The following KIF26B variants were observed in gnomAD, a reference collection of about 807,000 sequenced individuals.
KIF26B encodes the protein kinesin family member 26B, also known as kinesin-like protein KIF26B.
In KIF26B, 63 loss-of-function variants were observed where a neutral mutation model predicts 151.2. That is an observed-to-expected ratio of 0.42 (90% confidence interval 0.34 to 0.51). The LOEUF is 0.51. KIF26B is among the 20% of genes least tolerant of loss of function. The probability of loss-of-function intolerance (pLI) is 0.07; values close to 1 mark genes in which losing one functional copy is unlikely to be tolerated. For synonymous variants in KIF26B, 1,357 were observed against 1,262.1 expected, an observed-to-expected ratio of 1.08 and a Z score of -1.59; for missense variants, 2,813 against 2,913.6, an observed-to-expected ratio of 0.97 and a Z score of 0.79.
chr1:245,530,613 T>C (rs1661339415), intron 4 of KIF26B, among the ~76,000 whole-genome samples: 1 of 152,210 alleles, frequency 6.6e-6, no homozygotes, highest in African/African-American at 2.4e-5. Flanking sequence ...TTTTTATGTG[T>C]GCTGCCCAGA....
intron 6 of KIF26B, among the ~76,000 whole-genome samples, chr1:245,605,400 G>C (rs1336134824): frequency 6.6e-6 from 1 of 152,204 alleles, no homozygotes; most frequent in Non-Finnish European, 1.5e-5. Context: ...TTTTCAGCCT[G>C]TGAAGCCGCA....
At chr1:245,646,399 C>A in intron 10 of KIF26B, 119 bp downstream of exon 10, 1 of 1,081,730 alleles carries the variant, frequency 9.2e-7, no homozygotes, top group Non-Finnish European at 1.3e-6. Flanking sequence ...ATTATAAGTT[C>A]AGTGCCAGAG....
chr1:245,661,357 T>G (rs1463709924), intron 10 of KIF26B, among the ~76,000 whole-genome samples: 1 of 152,056 alleles, frequency 6.6e-6, no homozygotes, highest in Non-Finnish European at 1.5e-5. Flanking sequence ...TTACTTGGAA[T>G]TTGTTCCTTT....
chr1:245,352,148 CA>C lies in KIF26B; in HGVS notation c.466-14683del, dbSNP rs1672581423. On this transcript the variant is annotated intron_variant, in intron 2 of 14. Transcript: ENST00000407071. This position sits in a 1 kb window ranked among gnomAD's most constrained non-coding sequence, Gnocchi z 5.0. ...CAAGTCCCACCCATACTGTGTTTCTCAAATATTCTCAAATTGTATTGAAACC... is the reference window on the plus strand; with the variant it reads ...CAAGTCCCACCCATACTGTGTTTCTCAATATTCTCAAATTGTATTGAAACC... Among the ~76,000 whole-genome samples, 1 of 152,150 alleles carries C rather than the reference CA, an allele frequency of 6.6e-6. No homozygotes were observed. Among genetic ancestry groups the C allele is most frequent in the Non-Finnish European group, 1.5e-5 (1 of 68,028 alleles).
At chr1:245,364,741 G>C (rs1184360435) in intron 2 of KIF26B, among the ~76,000 whole-genome samples, 1 of 152,084 alleles carries the variant, frequency 6.6e-6, no homozygotes, top group Non-Finnish European at 1.5e-5. Context: ...TCTTAGAGCT[G>C]CCTCCTTTCT....
chr1:245,397,469 G>A (rs1013849361), intron 3 of KIF26B, among the ~76,000 whole-genome samples: 26 of 152,030 alleles, frequency 1.7e-4, no homozygotes, highest in African/African-American at 6.0e-4. Flanking sequence ...ACCCTCCTCC[G>A]CCTCCCAAAG....
At chr1:245,471,167 G>C (rs1659905614) in intron 4 of KIF26B, among the ~76,000 whole-genome samples, 1 of 151,464 alleles carries the variant, frequency 6.6e-6, no homozygotes, top group African/African-American at 2.4e-5. Context: ...GTTTTGCCCT[G>C]TCACCTAGAC....
At chr1:245,457,135 G>A (rs528093769) in intron 4 of KIF26B, among the ~76,000 whole-genome samples, 2 of 152,224 alleles carry the variant, frequency 1.3e-5, no homozygotes, top group East Asian at 1.9e-4. Context: ...CAAAGTGCTG[G>A]GATTACAGGC....
At position 245,687,507 on chromosome 1, in the gene KIF26B, G is replaced by A. The variant is rs1198922258; in HGVS notation, c.4524G>A (p.Arg1508=). The A allele has an allele frequency of 5.1e-6, 8 of 1,577,042 alleles. No homozygotes were observed. Among genetic ancestry groups the A allele is most frequent in the Admixed American group, 1.8e-5 (1 of 54,164 alleles). ...SASPVTDNFR[R]VVDGCEMALP... is the part of the protein sequence containing the mutation. ...CCCCGGTCACTGACAACTTCAGGAG[G>A]GTCGTGGATGGGTGTGAGATGGCCC... The change falls in exon 12 of 15, where the codon AGG becomes AGA. Residue 1508 remains arginine (R), a synonymous_variant. Transcript: ENST00000407071. The surrounding 1 kb of genome is among the most constrained non-coding windows in gnomAD (Gnocchi z 4.9).
At chr1:245,332,380 G>C (rs1672131202) in intron 2 of KIF26B, among the ~76,000 whole-genome samples, 1 of 152,056 alleles carries the variant, frequency 6.6e-6, no homozygotes, top group African/African-American at 2.4e-5. Flanking sequence ...GTCAGAATGG[G>C]GGTTCTCACA....
intron 2 of KIF26B, among the ~76,000 whole-genome samples, chr1:245,216,747 G>C (rs182676386): frequency 3.9e-5 from 6 of 152,320 alleles, no homozygotes; most frequent in African/African-American, 1.4e-4. Context: ...TGTCATATTT[G>C]ACCTTGGTTC....
chr1:245,497,517 T>G (rs1660537605), intron 4 of KIF26B, among the ~76,000 whole-genome samples: 2 of 152,130 alleles, frequency 1.3e-5, no homozygotes, highest in Non-Finnish European at 2.9e-5. Flanking sequence ...TGTTTAGAAA[T>G]TAAGCATTCT....
chr1:245,387,607 C>T (rs819888), intron 3 of KIF26B, among the ~76,000 whole-genome samples: 16,268 of 152,168 alleles, frequency 0.11, 1,062 homozygotes, highest in East Asian at 0.32. Flanking sequence ...GCGGGAGGAT[C>T]GCTTGAGCCT....
At chr1:245,661,805 T>C (rs929251357) in intron 10 of KIF26B, among the ~76,000 whole-genome samples, 2 of 148,506 alleles carry the variant, frequency 1.3e-5, no homozygotes, top group African/African-American at 5.0e-5. Flanking sequence ...ACACACAATA[T>C]ATATACACCC....
intron 3 of KIF26B, among the ~76,000 whole-genome samples, chr1:245,412,127 A>T (rs1257796624): frequency 6.6e-6 from 1 of 152,242 alleles, no homozygotes; most frequent in Non-Finnish European, 1.5e-5. Context: ...TTTACAAATT[A>T]GCTGTGGATG....
At chr1:245,246,958 C>G (rs1310223775) in intron 2 of KIF26B, among the ~76,000 whole-genome samples, 1 of 151,402 alleles carries the variant, frequency 6.6e-6, no homozygotes, top group Non-Finnish European at 1.5e-5. Flanking sequence ...CACACACACA[C>G]ACACAGACAC....
At chr1:245,604,597 C>A (rs1267607996) in intron 6 of KIF26B, among the ~76,000 whole-genome samples, 1 of 152,174 alleles carries the variant, frequency 6.6e-6, no homozygotes, top group Non-Finnish European at 1.5e-5. Context: ...AGAAGCAAAT[C>A]TCCACAAGTT....
chr1:245,461,624 G>A (rs1659649067), intron 4 of KIF26B, among the ~76,000 whole-genome samples: 2 of 151,986 alleles, frequency 1.3e-5, no homozygotes, highest in South Asian at 2.1e-4. Flanking sequence ...CCTTCACCAG[G>A]ACCCATCAGA....
chr1:245,184,051 T>TTTTTTG (rs1553332274), intron 2 of KIF26B, among the ~76,000 whole-genome samples: 1 of 77,238 alleles, frequency 1.3e-5, no homozygotes, highest in Non-Finnish European at 2.4e-5. Context: ...GGAGTTGTTG[T>TTTTTTG]TTTTTTTTTT....
Sources: allele counts gnomAD v4.1 joint callset (sites outside exome capture counted in the v4.1 genomes callset), GRCh38; gene constraint gnomAD v4.1.1; non-coding constraint Gnocchi (gnomAD v3.1); transcripts MANE v1.5; gene names NCBI Gene and HGNC (gene_info 2026-07-23, HGNC 2026-07-21).